Variants in BTF3L4 observed in about 807,000 individuals in gnomAD.
BTF3L4 encodes the protein basic transcription factor 3 like 4.
Under a neutral mutation model 16.8 loss-of-function variants are expected in BTF3L4, and 6 were observed. That is an observed-to-expected ratio of 0.36 (90% CI 0.20 to 0.71). BTF3L4 has a LOEUF of 0.71. Ranked by LOEUF, BTF3L4 falls within the 30% of genes least tolerant of loss-of-function variation. BTF3L4 has a pLI of 0.58. For missense variants in BTF3L4, 92 were observed against 186.9 expected (o/e 0.49, Z 2.96); for synonymous variants, 39 against 59.8 (o/e 0.65, Z 1.60).
At chr1:52,059,980 GAAAATCT>G in intron 2 of BTF3L4, 79 bp downstream of exon 2, 1 of 1,363,924 alleles carries the variant, frequency 7.3e-7, no homozygotes, top group Non-Finnish European at 1.0e-6. Flanking sequence ...TGTGGTCATT[GAAAATCT>G]AAAATCTTTT....
chr1:52,075,857 G>GT (rs1488571815), intron 3 of BTF3L4, among the ~76,000 whole-genome samples: 1 of 151,830 alleles, frequency 6.6e-6, no homozygotes, highest in Non-Finnish European at 1.5e-5. Flanking sequence ...TAGAGACGGG[G>GT]TTTTATCATG....
At chr1:52,085,299 A>C (rs1275632087) in intron 4 of BTF3L4, among the ~76,000 whole-genome samples, 1 of 150,884 alleles carries the variant, frequency 6.6e-6, no homozygotes, top group Non-Finnish European at 1.5e-5. Context: ...GATTACAAGC[A>C]TGAGCCACTG....
At chr1:52,063,885 C>T (rs1032210622) in intron 2 of BTF3L4, among the ~76,000 whole-genome samples, 6 of 152,178 alleles carry the variant, frequency 3.9e-5, no homozygotes, top group African/African-American at 1.2e-4. Flanking sequence ...CTGGCCAGGA[C>T]GGCTACAGGA....
At chr1:52,077,039 A>C (rs1261997070) in intron 3 of BTF3L4, among the ~76,000 whole-genome samples, 1 of 152,096 alleles carries the variant, frequency 6.6e-6, no homozygotes, top group Non-Finnish European at 1.5e-5. Context: ...ATGGTGGCAC[A>C]TGCCTGTAGT....
chr1:52,062,495 C>T (rs971673166), intron 2 of BTF3L4, among the ~76,000 whole-genome samples: 3 of 152,090 alleles, frequency 2.0e-5, no homozygotes, highest in African/African-American at 4.8e-5. Flanking sequence ...CCACCGCGCT[C>T]GGCCGGTACA....
At chr1:52,076,001 G>C (rs1572028754) in intron 3 of BTF3L4, among the ~76,000 whole-genome samples, 1 of 152,194 alleles carries the variant, frequency 6.6e-6, no homozygotes, top group South Asian at 2.1e-4. Context: ...CTGGCTGAAA[G>C]AGCCATGAAC....
chr1:52,077,901 G>A (rs1006574590), intron 3 of BTF3L4, among the ~76,000 whole-genome samples: 2 of 152,128 alleles, frequency 1.3e-5, no homozygotes, highest in African/African-American at 2.4e-5. Context: ...TAATTCTGGA[G>A]GGTAGGTTGG....
rs1465712041 is a variant in BTF3L4, at chr1:52,090,492, T to C, written c.*3734T>C. The C allele has an allele frequency of 6.6e-6, 1 of 152,170 alleles. No individual in the cohort carries two copies. The highest frequency in any genetic ancestry group is 1.5e-5 in the Non-Finnish European group (1 of 68,034). The allele number at this position is 152,170 out of a possible 1,614,324, so 9.4% of individuals were successfully genotyped here. A position where few individuals can be genotyped will look rare whatever the true frequency, so the allele number is the denominator to read the frequency against. On this transcript the variant is annotated 3_prime_UTR_variant, in exon 6 of 6. Coordinates refer to ENST00000313334, the MANE Select transcript of BTF3L4 (RefSeq NM_152265.5). Reference sequence around the variant, plus strand: ...GCTTTCTTAATAGTTTTGTTTATGATCCACTCTCTCCAGCCCATTACACAG... The same window carrying C: ...GCTTTCTTAATAGTTTTGTTTATGACCCACTCTCTCCAGCCCATTACACAG...
In BTF3L4 at chr1:52,086,623, T is replaced by C. The variant is rs76799364; in HGVS notation, c.431-89T>C. The C allele has an allele frequency of 2.0e-3, 1,488 of 759,374 alleles. 18 individuals are homozygous for C. The African/African-American group carries it at 0.025, about 13-fold the overall frequency. The allele number at this position is 759,374 out of a possible 1,614,324, so 47.0% of individuals were successfully genotyped here. On this transcript the variant is annotated intron_variant, in intron 5 of 5. Coordinates refer to ENST00000313334, the MANE Select transcript of BTF3L4 (RefSeq NM_152265.5). ...CTAATTCTGGTTGTACTAATTTTAT[T>C]TTTTCGGGGGTTAGAAGTTAGGAGT...
chr1:52,066,106 G>C (rs571319225), intron 3 of BTF3L4, among the ~76,000 whole-genome samples: 5 of 152,184 alleles, frequency 3.3e-5, no homozygotes, highest in Admixed American at 6.5e-5. Context: ...TGAGACCAAA[G>C]ATTAATGTTA....
At position 52,090,494 on chromosome 1, in the gene BTF3L4, C is replaced by T. The variant is rs1644009180; in HGVS notation, c.*3736C>T. 1 of 152,078 alleles carries T rather than the reference C, an allele frequency of 6.6e-6. No individual in the cohort carries two copies. Among genetic ancestry groups the T allele is most frequent in the Non-Finnish European group, 1.5e-5 (1 of 68,016 alleles). The allele number at this position is 152,078 out of a possible 1,614,324, so 9.4% of individuals were successfully genotyped here. Reference sequence around the variant, plus strand: ...TTTCTTAATAGTTTTGTTTATGATCCACTCTCTCCAGCCCATTACACAGGA... The same window carrying T: ...TTTCTTAATAGTTTTGTTTATGATCTACTCTCTCCAGCCCATTACACAGGA... On this transcript the variant is annotated 3_prime_UTR_variant, in exon 6 of 6. Coordinates refer to ENST00000313334, the MANE Select transcript of BTF3L4 (RefSeq NM_152265.5).
At chr1:52,071,935 G>C (rs1365282755) in intron 3 of BTF3L4, among the ~76,000 whole-genome samples, 89 of 60,390 alleles carry the variant, frequency 1.5e-3, no homozygotes, top group Middle Eastern at 9.4e-3. Context: ...TTTACTCTGT[G>C]TGTGTGTGTG....
chr1:52,081,887 C>A (rs1643926756), intron 3 of BTF3L4, among the ~76,000 whole-genome samples: 1 of 152,148 alleles, frequency 6.6e-6, no homozygotes, highest in South Asian at 2.1e-4. Flanking sequence ...TTTAGAAGCC[C>A]CTTTCTTGCC....
Position 52,083,413 on chromosome 1 carries a change from A to G in BTF3L4, c.242A>G (p.Asn81Ser), listed in dbSNP as rs1377617030. ...AAAGTCCAAGCTTCCCTTTCTGCTA[A>G]TACCTTTGCAATTACTGGTCATGCA... The part of the protein sequence containing the change: ...NPKVQASLSA[N>S]TFAITGHAEA... Residue 81 changes from asparagine (N) to serine (S), a missense_variant, in exon 4 of 6, where the codon AAT becomes AGT. Asn to Ser is a conservative substitution (Grantham distance 46). Transcript: ENST00000313334. The G allele has an allele frequency of 2.5e-6, 4 of 1,610,924 alleles. No homozygotes were observed. The highest frequency in any genetic ancestry group is 3.4e-6 in the Non-Finnish European group (4 of 1,177,432).
intron 3 of BTF3L4, among the ~76,000 whole-genome samples, chr1:52,075,744 AC>A (rs890706450): frequency 1.3e-5 from 2 of 150,336 alleles, no homozygotes; most frequent in African/African-American, 4.9e-5. Flanking sequence ...GCTAACTGCA[AC>A]CCCCACCTCC....
rs145906791 is a variant in BTF3L4 at position 52,068,553 on chromosome 1, G to A, written c.168+3615G>A. Among the ~76,000 whole-genome samples, 25 of 152,302 alleles carry A rather than the reference G, an allele frequency of 1.6e-4. No homozygotes were observed. The East Asian group carries it at 4.6e-3, about 28-fold the overall frequency. On this transcript the variant is annotated intron_variant, in intron 3 of 5. Coordinates refer to ENST00000313334, the MANE Select transcript of BTF3L4 (RefSeq NM_152265.5). ...AGATCACGTAGCCTAGTAAGTGCTA[G>A]AATTCCAGGTTTGAACTAAGGTGTG...
chr1:52,074,552 G>T (rs941740314), intron 3 of BTF3L4, among the ~76,000 whole-genome samples: 3 of 151,938 alleles, frequency 2.0e-5, no homozygotes, highest in African/African-American at 7.3e-5. Flanking sequence ...TAGTAGAGAC[G>T]GGTTTCTCCA....
rs34904880 is a variant in BTF3L4, at chr1:52,062,197, C to CTTTT, written c.54+2315_54+2318dup. On this transcript the variant is annotated intron_variant, in intron 2 of 5. Transcript: ENST00000313334. ...TGACCTCGTGATCGCCCGCCTCGGC[C>CTTTT]TTTTTTTTTTTTTTTTTTTTTTGAG... Among the ~76,000 whole-genome samples, 21 of 53,662 alleles carry CTTTT rather than the reference C, an allele frequency of 3.9e-4. 1 individual carries two copies. The highest frequency in any genetic ancestry group is 1.3e-3 in the African/African-American group (20 of 15,344). The allele number at this position is 53,662 out of a possible 152,430, so 35.2% of individuals were successfully genotyped here. A position where few individuals can be genotyped will look rare whatever the true frequency, so the allele number is the denominator to read the frequency against.
Position 52,088,638 on chromosome 1 carries a change from T to C in BTF3L4, c.*1880T>C, listed in dbSNP as rs1272192270. On this transcript the variant is annotated 3_prime_UTR_variant, in exon 6 of 6. Transcript: ENST00000313334. Reference sequence around the variant, plus strand: ...CAAGTGGTTAGGGACAGATAAATAATAGGCAGTATAGCACATGAAAGAAAA... The same window carrying C: ...CAAGTGGTTAGGGACAGATAAATAACAGGCAGTATAGCACATGAAAGAAAA... 2 of 152,188 alleles carry C rather than the reference T, an allele frequency of 1.3e-5. No homozygotes were observed. Among genetic ancestry groups the C allele is most frequent in the South Asian group, 2.1e-4 (1 of 4,830 alleles). The allele number at this position is 152,188 out of a possible 1,614,324, so 9.4% of individuals were successfully genotyped here. A position where few individuals can be genotyped will look rare whatever the true frequency, so the allele number is the denominator to read the frequency against.
Sources: gnomAD v4.1 joint callset for allele counts (sites outside exome capture counted in the v4.1 genomes callset) on GRCh38, gnomAD v4.1.1 for gene constraint, MANE v1.5 for transcripts, NCBI Gene and HGNC (gene_info 2026-07-23, HGNC 2026-07-21) for gene names.